PPP1R13B: variants seen among roughly 807,000 people sequenced by gnomAD.
PPP1R13B encodes protein phosphatase 1 regulatory subunit 13B, also known as apoptosis-stimulating of p53 protein 1.
PPP1R13B carries 44 observed loss-of-function variants against 119.8 expected under a neutral mutation model. That is an observed-to-expected ratio of 0.37 (90% CI 0.29 to 0.47). The LOEUF (loss-of-function observed/expected upper bound fraction) is 0.47, where lower values mean the gene tolerates loss of function less well. PPP1R13B is among the 20% of genes least tolerant of loss of function. The pLI, the probability that PPP1R13B is intolerant of heterozygous loss-of-function variation, is 0.99. For synonymous variants in PPP1R13B, 542 were observed against 561.5 expected (o/e 0.97, Z 0.49); for missense variants, 1,227 against 1,413.5 (o/e 0.87, Z 2.12).
intron 1 of PPP1R13B, among the ~76,000 whole-genome samples, chr14:103,813,592 G>T (rs1397577878): frequency 6.6e-6 from 1 of 152,134 alleles, no homozygotes; most frequent in Non-Finnish European, 1.5e-5. Context: ...GGTGCCTTCC[G>T]CCATGATTGT....
chr14:103,840,306 T>C (rs959714254), intron 1 of PPP1R13B, among the ~76,000 whole-genome samples: 3 of 152,268 alleles, frequency 2.0e-5, no homozygotes, highest in Admixed American at 6.5e-5. Context: ...CAAACGCATG[T>C]TGACAACCAG....
intron 8 of PPP1R13B, among the ~76,000 whole-genome samples, chr14:103,748,364 A>G (rs1393578599): frequency 6.6e-6 from 1 of 152,196 alleles, no homozygotes; most frequent in Non-Finnish European, 1.5e-5. Context: ...AGACTGTGAC[A>G]TCCACAGAAC....
At position 103,740,544 on chromosome 14, in the gene PPP1R13B, C is replaced by T; in HGVS notation, c.1872G>A (p.Leu624=). Residue 624 remains leucine, a synonymous_variant, in exon 12 of 17, where the codon CTG becomes CTA. Transcript: ENST00000202556. This position sits in a 1 kb window ranked among gnomAD's most constrained non-coding sequence, Gnocchi z 4.6. ...TGGACAGTGACCCGTGAAGAAACGG[C>T]AGCGGCGATGGAGAGGTTGAACCCG... is the stretch of plus-strand genomic sequence containing the variant. ...LPSGSTSPSP[L]PFLHGSLSTG... is the part of the protein sequence containing the mutation. 1 of 1,567,186 alleles carries T rather than the reference C, an allele frequency of 6.4e-7. No homozygotes were observed. Among genetic ancestry groups the T allele is most frequent in the Middle Eastern group, 1.7e-4 (1 of 5,844 alleles).
intron 6 of PPP1R13B, 80 bp downstream of exon 6, chr14:103,753,990 A>C (rs1036209042): frequency 6.0e-6 from 9 of 1,492,142 alleles, no homozygotes; most frequent in Non-Finnish European, 5.4e-6. Context: ...TTTGTGACTG[A>C]ATTGTCAGGC....
intron 2 of PPP1R13B, among the ~76,000 whole-genome samples, chr14:103,790,595 G>A (rs4906371): frequency 0.45 from 67,669 of 151,886 alleles, 15,572 homozygotes; most frequent in African/African-American, 0.56. Flanking sequence ...TGGGCAACAT[G>A]GCAAAACCCC....
At chr14:103,761,781 AG>A (rs1466103362) in intron 4 of PPP1R13B, among the ~76,000 whole-genome samples, 1 of 151,982 alleles carries the variant, frequency 6.6e-6, no homozygotes, top group African/African-American at 2.4e-5. Flanking sequence ...AAAAAGAAAA[AG>A]AAAAAAAAAG....
chr14:103,791,720 T>A (rs758520896), intron 2 of PPP1R13B, among the ~76,000 whole-genome samples: 9 of 152,200 alleles, frequency 5.9e-5, no homozygotes, highest in Non-Finnish European at 1.3e-4. Flanking sequence ...AGACTCCATC[T>A]CAAAACAAAC....
chr14:103,848,258 C>T (rs1595859890), upstream of PPP1R13B: 1 of 985,306 alleles, frequency 1.0e-6, no homozygotes, highest in African/African-American at 1.7e-5. Context: ...CCCACCTGTG[C>T]CACCTGTGCC....
intron 1 of PPP1R13B, among the ~76,000 whole-genome samples, chr14:103,833,391 C>T (rs1163097056): frequency 6.6e-6 from 1 of 152,144 alleles, no homozygotes; most frequent in African/African-American, 2.4e-5. Flanking sequence ...TGCCTGTAAT[C>T]CTAGCACTTT....
intron 5 of PPP1R13B, among the ~76,000 whole-genome samples, 190 bp from the exon 6 acceptor site, chr14:103,754,434 C>T (rs1436475800): frequency 1.3e-5 from 2 of 151,406 alleles, no homozygotes; most frequent in African/African-American, 2.4e-5. Flanking sequence ...GCGTGGTGTG[C>T]GCCTGTAGTC....
At chr14:103,790,025 C>T (rs2085576966) in intron 2 of PPP1R13B, among the ~76,000 whole-genome samples, 1 of 151,958 alleles carries the variant, frequency 6.6e-6, no homozygotes. Context: ...GCAGGCATAT[C>T]ACTTGAGGTC....
At chr14:103,838,000 T>A (rs1332727485) in intron 1 of PPP1R13B, among the ~76,000 whole-genome samples, 1 of 152,074 alleles carries the variant, frequency 6.6e-6, no homozygotes. Context: ...ACACCTGTAG[T>A]CCCAGCTCCT....
At position 103,742,088 on chromosome 14, in the gene PPP1R13B, G is replaced by A. The variant is rs761113739; in HGVS notation, c.1524C>T (p.Ser508=). Residue 508 remains serine, a synonymous_variant, in exon 11 of 17, where the codon AGC becomes AGT. Coordinates refer to ENST00000202556, the MANE Select transcript of PPP1R13B (RefSeq NM_015316.3). The surrounding 1 kb of genome is among the most constrained non-coding windows in gnomAD (Gnocchi z 4.9). ...QRPTLLPATG[S]TPQPGSSQQI... Reference sequence around the variant, plus strand: ...GTTGTGAGGAGCCTGGCTGGGGGGTGCTGCCTGTGGCGGGCAGCAGGGTGG... The same window carrying A: ...GTTGTGAGGAGCCTGGCTGGGGGGTACTGCCTGTGGCGGGCAGCAGGGTGG... The A allele has an allele frequency of 9.3e-6, 15 of 1,613,620 alleles. No homozygotes were observed. The highest frequency in any genetic ancestry group is 1.7e-5 in the Admixed American group (1 of 60,010).
chr14:103,831,702 A>G lies in PPP1R13B; in HGVS notation c.9+15597T>C, dbSNP rs369436552. ...TATAATCCCAGCACTTTGGGAGGCC[A>G]AGGTGGGTGGATCACTTGAGGACAG... On this transcript the variant is annotated intron_variant, in intron 1 of 16. Transcript: ENST00000202556. Among the ~76,000 whole-genome samples the G allele has an allele frequency of 3.4e-3, 512 of 151,758 alleles. 4 individuals are homozygous for G. Among genetic ancestry groups the G allele is most frequent in the African/African-American group, 0.012 (498 of 41,462 alleles).
Position 103,739,830 on chromosome 14 carries a change from G to A in PPP1R13B, c.2586C>T (p.Thr862=), listed in dbSNP as rs778397215. The A allele has an allele frequency of 5.6e-6, 9 of 1,605,582 alleles. No individual in the cohort carries two copies. In the East Asian group the frequency reaches 1.3e-4, roughly 24 times the overall value. Residue 862 remains threonine, a synonymous_variant, in exon 12 of 17, where the codon ACC becomes ACT. Coordinates refer to ENST00000202556, the MANE Select transcript of PPP1R13B (RefSeq NM_015316.3). ...GTCTAGCAATGACACCCACCGTGGAGGTGGCAGGAGGGTGGCTGGCAGGGG... is the reference window on the plus strand; with the variant it reads ...GTCTAGCAATGACACCCACCGTGGAAGTGGCAGGAGGGTGGCTGGCAGGGG... ...PLPPASHPPA[T]STNKRTNLKK... is the part of the protein sequence containing the mutation.
At chr14:103,754,021 G>A (rs1267956436) in intron 6 of PPP1R13B, 49 bp downstream of exon 6, 1 of 1,580,762 alleles carries the variant, frequency 6.3e-7, no homozygotes. Flanking sequence ...TGTTTCACTG[G>A]ATCTGGGCCT....
In PPP1R13B at chr14:103,797,486, T is replaced by C. The variant is rs2085787237; in HGVS notation, c.42A>G (p.Glu14=). The change falls in exon 2 of 17, where the codon GAA becomes GAG. Residue 14 remains glutamate, a synonymous_variant. Transcript: ENST00000202556. ...MILTVFLSNN[E]QILTEVPITP... is the part of the protein sequence containing the mutation. ...TTATAGGAACTTCTGTTAAAATCTG[T>C]TCATTGTTGCTCAAGAAAACAGTTA... 6.2e-7 allele frequency: 1 copy of C among 1,613,432 alleles called. No individual in the cohort carries two copies. Among genetic ancestry groups the C allele is most frequent in the African/African-American group, 1.3e-5 (1 of 74,896 alleles).
intron 16 of PPP1R13B, among the ~76,000 whole-genome samples, chr14:103,735,532 C>G (rs941473): frequency 0.59 from 89,469 of 152,092 alleles, 28,195 homozygotes; most frequent in African/African-American, 0.84. Context: ...GGCTCAACAG[C>G]AAGCCCCTGG....
intron 1 of PPP1R13B, among the ~76,000 whole-genome samples, chr14:103,827,033 A>G (rs2086561800): frequency 6.7e-6 from 1 of 148,962 alleles, no homozygotes; most frequent in Admixed American, 6.8e-5. Flanking sequence ...GGCAAAAAAA[A>G]GTAGATTAAG....
Sources: allele counts gnomAD v4.1 joint callset (sites outside exome capture counted in the v4.1 genomes callset), GRCh38; gene constraint gnomAD v4.1.1; non-coding constraint Gnocchi (gnomAD v3.1); transcripts MANE v1.5; gene names NCBI Gene and HGNC (gene_info 2026-07-23, HGNC 2026-07-21).